The following KIAA1217 variants were observed in gnomAD, a reference collection of about 807,000 sequenced individuals.
KIAA1217 encodes the protein sickle tail protein homolog.
In KIAA1217, 88 loss-of-function variants were observed where a neutral mutation model predicts 163.9. The ratio of observed to expected loss-of-function variants is 0.54; its 90% confidence interval spans 0.45 to 0.64. KIAA1217 has a LOEUF of 0.64. KIAA1217 is among the 30% of genes least tolerant of loss of function. The pLI, the probability that KIAA1217 is intolerant of heterozygous loss-of-function variation, is 0.00. For synonymous variants in KIAA1217, 903 were observed against 923.1 expected (o/e 0.98, Z 0.39); for missense variants, 2,372 against 2,475.0 (o/e 0.96, Z 0.88).
chr10:23,984,009 A>G (rs1431387011), intron 1 of KIAA1217, among the ~76,000 whole-genome samples: 1 of 152,254 alleles, frequency 6.6e-6, no homozygotes, highest in Non-Finnish European at 1.5e-5. Flanking sequence ...TCCCATTTGA[A>G]AAGGTTAAGA....
chr10:24,273,755 A>G (rs1165918175), intron 2 of KIAA1217, among the ~76,000 whole-genome samples: 3 of 151,002 alleles, frequency 2.0e-5, no homozygotes, highest in African/African-American at 7.3e-5. Flanking sequence ...GGGAGGCTTG[A>G]GGCTGGAGAA....
At chr10:23,960,192 G>A (rs1432390789) in intron 1 of KIAA1217, among the ~76,000 whole-genome samples, 2 of 152,108 alleles carry the variant, frequency 1.3e-5, no homozygotes, top group African/African-American at 2.4e-5. Flanking sequence ...TGAGATTACA[G>A]GTGTAAGCCA....
intron 2 of KIAA1217, among the ~76,000 whole-genome samples, chr10:24,366,477 G>A (rs929217503): frequency 2.6e-5 from 4 of 152,070 alleles, no homozygotes; most frequent in Non-Finnish European, 5.9e-5. Context: ...AATAAAGTCA[G>A]TGGCATCAAT....
intron 17 of KIAA1217, among the ~76,000 whole-genome samples, chr10:24,540,808 C>T (rs761887307): frequency 1.8e-4 from 28 of 152,106 alleles, no homozygotes; most frequent in Non-Finnish European, 2.4e-4. Flanking sequence ...CTCTGTCGCC[C>T]GGGAGGCTGG....
rs1842432674 is a variant in KIAA1217, at chr10:23,911,575, T to C, written c.-320-95650T>C. On this transcript the variant is annotated intron_variant, in intron 1 of 18. Transcript: ENST00000376462. ...TCTCTGCCAAGCCATTCTCTTTCCT[T>C]ACCCAATTCCCAAATGAAAAATACC... Among the ~76,000 whole-genome samples the C allele has an allele frequency of 2.0e-5, 3 of 152,324 alleles. No individual in the cohort carries two copies. The South Asian group carries it at 6.2e-4, about 32-fold the overall frequency.
At chr10:23,847,567 C>T (rs1839102074) in intron 1 of KIAA1217, among the ~76,000 whole-genome samples, 1 of 151,742 alleles carries the variant, frequency 6.6e-6, no homozygotes, top group Admixed American at 6.6e-5. Flanking sequence ...GGGATACCCC[C>T]TTTATCATTT....
chr10:23,784,327 T>G (rs1835394753), intron 1 of KIAA1217, among the ~76,000 whole-genome samples: 1 of 152,180 alleles, frequency 6.6e-6, no homozygotes, highest in African/African-American at 2.4e-5. Flanking sequence ...TTGTGTGTCC[T>G]TAAAGCTAAA....
intron 1 of KIAA1217, among the ~76,000 whole-genome samples, chr10:23,934,732 C>T (rs1843449701): frequency 6.7e-6 from 1 of 149,340 alleles, no homozygotes. Flanking sequence ...ATTCTCCTGC[C>T]TCAGCCTCCT....
intron 2 of KIAA1217, among the ~76,000 whole-genome samples, chr10:24,041,943 CGT>C (rs147819815): frequency 4.7e-5 from 7 of 149,336 alleles, no homozygotes; most frequent in South Asian, 2.1e-4. Context: ...AAGGGAGTAT[CGT>C]GTGTGTGTGT....
chr10:24,545,668 G>C (rs775802533), intron 20 of KIAA1217, 159 bp from the exon 21 acceptor site: 17 of 1,441,722 alleles, frequency 1.2e-5, no homozygotes, highest in Non-Finnish European at 1.5e-5. Context: ...TTTCTACCAG[G>C]TCCAGTAGAG....
At chr10:24,206,034 T>G (rs2067537675), upstream of KIAA1217, among the ~76,000 whole-genome samples, 1 of 152,228 alleles carries the variant, frequency 6.6e-6, no homozygotes, top group African/African-American at 2.4e-5. Context: ...TCTTTCCTTT[T>G]AAATGACATT....
At chr10:24,346,761 G>T (rs1194075575) in intron 2 of KIAA1217, among the ~76,000 whole-genome samples, 9 of 151,670 alleles carry the variant, frequency 5.9e-5, no homozygotes, top group Non-Finnish European at 1.2e-4. Flanking sequence ...AGTGGAGTTG[G>T]GGTTTTGCCA....
At chr10:24,330,366 TTTTG>T (rs1048508914) in intron 2 of KIAA1217, among the ~76,000 whole-genome samples, 9 of 152,082 alleles carry the variant, frequency 5.9e-5, no homozygotes, top group Non-Finnish European at 7.4e-5. Flanking sequence ...TTTGGACATT[TTTTG>T]TTTGTTTGTT....
intron 17 of KIAA1217, among the ~76,000 whole-genome samples, chr10:24,538,646 G>A (rs149689489): frequency 2.7e-4 from 37 of 137,878 alleles, no homozygotes; most frequent in African/African-American, 1.0e-3. Context: ...AAAAAGAGAG[G>A]AAGGGAGGGA....
At chr10:24,169,079 T>G (rs1370957883) in intron 2 of KIAA1217, among the ~76,000 whole-genome samples, 4 of 152,244 alleles carry the variant, frequency 2.6e-5, no homozygotes, top group Non-Finnish European at 5.9e-5. Context: ...AGTTAACCCT[T>G]CAGAAACATG....
Position 24,150,223 on chromosome 10 carries a change from G to C in KIAA1217, c.-170-69403G>C, listed in dbSNP as rs184154932. Among the ~76,000 whole-genome samples, 631 of 152,142 alleles carry C rather than the reference G, an allele frequency of 4.1e-3. 4 individuals are homozygous for C. Among genetic ancestry groups the C allele is most frequent in the Middle Eastern group, 0.02 (6 of 294 alleles). ...GTAGCGATGGGGTTTCACCATGTTG[G>C]CCAGGCTGGTCTTGAACTCCTGACT... is the stretch of plus-strand genomic sequence containing the variant. On this transcript the variant is annotated intron_variant, in intron 2 of 18. Coordinates refer to the KIAA1217 transcript ENST00000376462.
intron 2 of KIAA1217, among the ~76,000 whole-genome samples, chr10:24,031,630 T>G (rs904326645): frequency 6.6e-6 from 1 of 152,172 alleles, no homozygotes; most frequent in African/African-American, 2.4e-5. Context: ...CTTATTGGCC[T>G]TAAATAATTT....
intron 3 of KIAA1217, among the ~76,000 whole-genome samples, chr10:24,385,270 A>G (rs1209380274): frequency 6.6e-6 from 1 of 152,138 alleles, no homozygotes; most frequent in Non-Finnish European, 1.5e-5. Context: ...ATAAGTCCTC[A>G]TTTCTATTGC....
intron 8 of KIAA1217, among the ~76,000 whole-genome samples, chr10:24,497,547 A>G (rs556148038): frequency 6.6e-6 from 1 of 152,090 alleles, no homozygotes; most frequent in South Asian, 2.1e-4. Flanking sequence ...AGCCTGGGCA[A>G]TATTGCAAGA....
Sources: allele counts gnomAD v4.1 joint callset (sites outside exome capture counted in the v4.1 genomes callset), GRCh38; gene constraint gnomAD v4.1.1; transcripts MANE v1.5; gene names NCBI Gene and HGNC (gene_info 2026-07-23, HGNC 2026-07-21).